Variants in C6orf58 observed in about 807,000 individuals in gnomAD.
C6orf58 encodes chromosome 6 open reading frame 58.
A neutral mutation model predicts 37.0 loss-of-function variants in C6orf58; 30 were observed. The ratio of observed to expected loss-of-function variants is 0.81; its 90% CI spans 0.61 to 1.10. C6orf58 has a LOEUF of 1.10. Ranked by LOEUF, C6orf58 falls within the 50% of genes least tolerant of loss-of-function variation. The probability of loss-of-function intolerance (pLI) is 0.00; values close to 1 mark genes in which losing one functional copy is unlikely to be tolerated. For synonymous variants in C6orf58, 143 were observed against 134.1 expected, an observed-to-expected ratio of 1.07 and a Z score of -0.46; for missense variants, 368 against 387.5, an observed-to-expected ratio of 0.95 and a Z score of 0.42.
At chr6:127,586,240 G>T (rs1166822003) in intron 4 of C6orf58, among the ~76,000 whole-genome samples, 1 of 152,164 alleles carries the variant, frequency 6.6e-6, no homozygotes, top group East Asian at 1.9e-4. Flanking sequence ...GAAAAGTCAG[G>T]CACACAGACT....
chr6:127,583,589 T>C (rs1306106453), intron 4 of C6orf58, among the ~76,000 whole-genome samples: 3 of 152,130 alleles, frequency 2.0e-5, no homozygotes, highest in African/African-American at 4.8e-5. Flanking sequence ...AGGGGCTCTC[T>C]TGAGTTGAGA....
intron 3 of C6orf58, 76 bp downstream of exon 3, chr6:127,580,525 C>A: frequency 9.2e-7 from 1 of 1,088,352 alleles, no homozygotes; most frequent in Non-Finnish European, 1.4e-6. Context: ...TTTTTTTGTG[C>A]ATTACATAAT....
chr6:127,587,964 G>C (rs1369739520), intron 4 of C6orf58, among the ~76,000 whole-genome samples: 1 of 152,180 alleles, frequency 6.6e-6, no homozygotes, highest in Non-Finnish European at 1.5e-5. Flanking sequence ...AGTTAAGTTA[G>C]CTTTGTTTGA....
intron 4 of C6orf58, among the ~76,000 whole-genome samples, chr6:127,585,291 T>C (rs1326435736): frequency 6.6e-6 from 1 of 152,168 alleles, no homozygotes; most frequent in Non-Finnish European, 1.5e-5. Flanking sequence ...TAATTTGAGG[T>C]CAATAAAAAT....
chr6:127,581,205 G>A lies in C6orf58; in HGVS notation c.597G>A (p.Lys199=). 4 of 1,514,574 alleles carry A rather than the reference G, an allele frequency of 2.6e-6. No homozygotes were observed. Among genetic ancestry groups the A allele is most frequent in the Non-Finnish European group, 3.6e-6 (4 of 1,125,438 alleles). 93.8% of individuals were successfully genotyped at this position (1,514,574 alleles called of 1,614,324 possible). The change falls in exon 4 of 6, where the codon AAG becomes AAA. Residue 199 remains lysine (K), a synonymous_variant. Coordinates refer to ENST00000329722, the MANE Select transcript of C6orf58 (RefSeq NM_001010905.3). Reference sequence around the variant, plus strand: ...AGTATTTGCAGTCACCTTTTAGTAAGTTTGATGATCTGTTGAAGTACTTAT... The same window carrying A: ...AGTATTTGCAGTCACCTTTTAGTAAATTTGATGATCTGTTGAAGTACTTAT... ...FYQYLQSPFS[K]FDDLLKYLWA... is the part of the protein sequence containing the mutation.
Position 127,577,315 on chromosome 6 carries a change from A to G in C6orf58, c.130A>G (p.Arg44Gly). ...KESPGQLSDY[R>G]VENSMYIINP... is the part of the protein sequence containing the mutation. ...GAGTCCTGGTCAGCTCAGTGACTAC[A>G]GGGTGGAGAACAGCATGTACATTAT... The change falls in exon 1 of 6, where the codon AGG becomes GGG. Residue 44 changes from arginine (R) to glycine (G), a missense_variant. Arg to Gly is a moderately radical substitution (Grantham distance 125). Transcript: ENST00000329722. The G allele has an allele frequency of 6.2e-7, 1 of 1,613,644 alleles. No individual in the cohort carries two copies. The highest frequency in any genetic ancestry group is 8.5e-7 in the Non-Finnish European group (1 of 1,179,644).
chr6:127,588,794 C>G (rs1775131943), intron 4 of C6orf58, among the ~76,000 whole-genome samples: 1 of 152,144 alleles, frequency 6.6e-6, no homozygotes. Flanking sequence ...GACTTACTTC[C>G]AATTTGTTTA....
At chr6:127,589,503 T>C (rs1775138977) in intron 4 of C6orf58, among the ~76,000 whole-genome samples, 1 of 152,216 alleles carries the variant, frequency 6.6e-6, no homozygotes, top group Non-Finnish European at 1.5e-5. Flanking sequence ...AACTAAACTT[T>C]CTCACCTATT....
chr6:127,578,706 C>A lies in C6orf58; in HGVS notation c.322C>A (p.Arg108=), dbSNP rs146572999. Residue 108 remains arginine (R), a synonymous_variant, in exon 2 of 6, where the codon CGA becomes AGA. Coordinates refer to ENST00000329722, the MANE Select transcript of C6orf58 (RefSeq NM_001010905.3). ...YRTGRLADPT[R]RTNCGYESGD... ...TCCAGGCAGATTAGCTGATCCAACCCGAAGGACAAACTGTGGCTATGAATC... is the reference window on the plus strand; with the variant it reads ...TCCAGGCAGATTAGCTGATCCAACCAGAAGGACAAACTGTGGCTATGAATC... The A allele has an allele frequency of 1.1e-4, 182 of 1,612,334 alleles. No individual in the cohort carries two copies. The African/African-American group carries it at 2.0e-3, about 18-fold the overall frequency.
intron 5 of C6orf58, among the ~76,000 whole-genome samples, chr6:127,591,172 T>C (rs1289386075): frequency 6.6e-6 from 1 of 152,282 alleles, no homozygotes; most frequent in East Asian, 1.9e-4. Context: ...TGTGAAAATT[T>C]TTCTTGGAGC....
At chr6:127,584,963 TA>T (rs1260320097) in intron 4 of C6orf58, among the ~76,000 whole-genome samples, 1 of 152,208 alleles carries the variant, frequency 6.6e-6, no homozygotes, top group Non-Finnish European at 1.5e-5. Context: ...ATTTTCTTAG[TA>T]ATCAATTAAT....
intron 4 of C6orf58, among the ~76,000 whole-genome samples, chr6:127,589,200 T>C (rs1057424635): frequency 6.6e-6 from 1 of 152,152 alleles, no homozygotes; most frequent in African/African-American, 2.4e-5. Flanking sequence ...TATAGTGTTA[T>C]GGGAATATAG....
At position 127,577,213 on chromosome 6, in the gene C6orf58, G is replaced by A. The variant is rs773169017; in HGVS notation, c.28G>A (p.Val10Ile). The A allele has an allele frequency of 8.1e-6, 13 of 1,613,350 alleles. No individual in the cohort carries two copies. Among genetic ancestry groups the A allele is most frequent in the Admixed American group, 1.7e-5 (1 of 59,918 alleles). The stretch of plus-strand genomic sequence containing the variant: ...GGCTTTTCTTCCTTCCTGGGTTTGT[G>A]TACTAGTTGGTTCCTTTTCTGCTTC... MAFLPSWVC[V>I]LVGSFSASLA... The change falls in exon 1 of 6, where the codon GTA (valine) becomes ATA (isoleucine). Residue 10 changes from valine (V) to isoleucine (I), a missense_variant. Transcript: ENST00000329722.
At chr6:127,583,620 A>G (rs1275308383) in intron 4 of C6orf58, among the ~76,000 whole-genome samples, 2 of 152,112 alleles carry the variant, frequency 1.3e-5, no homozygotes, top group African/African-American at 4.8e-5. Flanking sequence ...CAAGACTCAA[A>G]TCCCTGAAGT....
At chr6:127,578,872 T>C (rs1775018176) in intron 2 of C6orf58, 100 bp downstream of exon 2, 2 of 856,262 alleles carry the variant, frequency 2.3e-6, no homozygotes, top group African/African-American at 1.7e-5. Flanking sequence ...AATAATCCTG[T>C]TCCTATTTTA....
At chr6:127,586,989 C>T (rs1372426222) in intron 4 of C6orf58, among the ~76,000 whole-genome samples, 2 of 152,148 alleles carry the variant, frequency 1.3e-5, no homozygotes, top group Admixed American at 6.5e-5. Flanking sequence ...TAGCAATCTC[C>T]TTTTACCCAG....
rs987538872 is a variant in C6orf58 at position 127,582,245 on chromosome 6, A to T, written c.674+963A>T. Among the ~76,000 whole-genome samples the T allele has an allele frequency of 3.3e-5, 5 of 152,174 alleles. No homozygotes were observed. The East Asian group carries it at 9.6e-4, about 29-fold the overall frequency. On this transcript the variant is annotated intron_variant, in intron 4 of 5. Coordinates refer to ENST00000329722, the MANE Select transcript of C6orf58 (RefSeq NM_001010905.3). Reference sequence around the variant, plus strand: ...ATAGAATGAATAGCTGCATAAGAGGATTTAAGACTCTGGGGAGGTTAAGGT... The same window carrying T: ...ATAGAATGAATAGCTGCATAAGAGGTTTTAAGACTCTGGGGAGGTTAAGGT...
At chr6:127,577,558 T>C (rs1775003211) in intron 1 of C6orf58, 72 bp downstream of exon 1, 6 of 1,246,622 alleles carry the variant, frequency 4.8e-6, no homozygotes, top group South Asian at 2.5e-5. Context: ...AATTGGACTC[T>C]GTATATACCC....
intron 4 of C6orf58, 85 bp from the exon 5 acceptor site, chr6:127,590,002 C>T: frequency 1.1e-6 from 1 of 870,902 alleles, no homozygotes; most frequent in East Asian, 2.4e-5. Context: ...AGTTTGTTGG[C>T]AAGAACCAAT....
Sources: allele counts gnomAD v4.1 joint callset (sites outside exome capture counted in the v4.1 genomes callset), GRCh38; gene constraint gnomAD v4.1.1; transcripts MANE v1.5; gene names NCBI Gene and HGNC (gene_info 2026-07-23, HGNC 2026-07-21).